Variants in CDH12 observed in about 807,000 individuals in gnomAD.
CDH12 encodes the protein cadherin 12.
In CDH12, 41 loss-of-function variants were observed where a neutral mutation model predicts 74.1. The ratio of observed to expected loss-of-function variants is 0.55; its 90% confidence interval spans 0.43 to 0.72. The LOEUF is 0.72. CDH12 is among the 30% of genes least tolerant of loss of function. CDH12 has a pLI of 0.00. For synonymous variants in CDH12, 399 were observed against 355.0 expected, an observed-to-expected ratio of 1.12 and a Z score of -1.39; for missense variants, 945 against 977.2, an observed-to-expected ratio of 0.97 and a Z score of 0.44.
At chr5:21,982,386 A>G (rs1467878667) in intron 5 of CDH12, among the ~76,000 whole-genome samples, 1 of 152,028 alleles carries the variant, frequency 6.6e-6, no homozygotes, top group East Asian at 1.9e-4. Context: ...CCTTTGGACT[A>G]GTCAGCCTTT....
intron 11 of CDH12, among the ~76,000 whole-genome samples, chr5:21,773,838 A>G (rs1392475246): frequency 6.6e-6 from 1 of 152,160 alleles, no homozygotes; most frequent in Non-Finnish European, 1.5e-5. Flanking sequence ...ATCATGTGAC[A>G]TAAGATTTAT....
chr5:22,055,952 T>G (rs946072351), intron 5 of CDH12, among the ~76,000 whole-genome samples: 2 of 152,138 alleles, frequency 1.3e-5, no homozygotes, highest in Non-Finnish European at 2.9e-5. Flanking sequence ...TCATAAATAA[T>G]ACTTTTCAAT....
At chr5:22,561,541 C>T (rs1739047155) in intron 1 of CDH12, among the ~76,000 whole-genome samples, 1 of 151,952 alleles carries the variant, frequency 6.6e-6, no homozygotes, top group Admixed American at 6.6e-5. Flanking sequence ...GGATCTATTT[C>T]TTCATCCTAT....
chr5:22,673,173 T>C (rs141313764), intron 1 of CDH12, among the ~76,000 whole-genome samples: 2 of 152,334 alleles, frequency 1.3e-5, no homozygotes, highest in African/African-American at 4.8e-5. Flanking sequence ...ATTGATTTTA[T>C]ACTGTCAGTT....
At chr5:22,131,414 A>G (rs557082520) in intron 4 of CDH12, among the ~76,000 whole-genome samples, 2 of 152,252 alleles carry the variant, frequency 1.3e-5, no homozygotes, top group East Asian at 3.9e-4. Flanking sequence ...ACTTGGCTCC[A>G]TAGTTGCTGG....
At chr5:21,904,043 C>G (rs1753521535) in intron 6 of CDH12, among the ~76,000 whole-genome samples, 1 of 152,124 alleles carries the variant, frequency 6.6e-6, no homozygotes, top group African/African-American at 2.4e-5. Flanking sequence ...CTGATAATTT[C>G]CAACCATCAG....
intron 9 of CDH12, among the ~76,000 whole-genome samples, chr5:21,804,832 A>G (rs752683599): frequency 6.6e-6 from 1 of 152,128 alleles, no homozygotes; most frequent in Admixed American, 6.6e-5. Context: ...TTGAAGAAGT[A>G]CCAAGTTCTC....
intron 6 of CDH12, among the ~76,000 whole-genome samples, chr5:21,888,121 A>T (rs1311434172): frequency 6.6e-6 from 1 of 152,146 alleles, no homozygotes; most frequent in Admixed American, 6.6e-5. Flanking sequence ...CAGGCAAAAA[A>T]TTTGGTTGCA....
intron 2 of CDH12, among the ~76,000 whole-genome samples, chr5:22,483,748 C>CTATATATATATATATATATATATA (rs573933210): frequency 0.067 from 1,508 of 22,656 alleles, 477 homozygotes; most frequent in Middle Eastern, 0.14. Flanking sequence ...TCTTTCAAAA[C>CTATATATATATATATATATATATA]TATATATATA....
chr5:22,040,586 A>C (rs1036917949), intron 5 of CDH12, among the ~76,000 whole-genome samples: 10 of 152,216 alleles, frequency 6.6e-5, no homozygotes, highest in African/African-American at 2.4e-4. Flanking sequence ...ATATAAAGGA[A>C]TTAACATTAG....
chr5:22,398,083 C>T (rs183268563), intron 3 of CDH12, among the ~76,000 whole-genome samples: 5 of 152,222 alleles, frequency 3.3e-5, no homozygotes, highest in Admixed American at 2.0e-4. Flanking sequence ...TAGATAACCA[C>T]CTGCTGAGAG....
At position 21,951,775 on chromosome 5, in the gene CDH12, A is replaced by G. The variant is rs180888694; in HGVS notation, c.526+23316T>C. ...CTGCACTATCTTCATTATGCAAATAAAGGTGCATTTTAGCTCTTTTGAAGA... is the reference window on the plus strand; with the variant it reads ...CTGCACTATCTTCATTATGCAAATAGAGGTGCATTTTAGCTCTTTTGAAGA... On this transcript the variant is annotated intron_variant, in intron 6 of 14. Coordinates refer to ENST00000382254, the MANE Select transcript of CDH12 (RefSeq NM_004061.5). 1.8e-3 allele frequency among the ~76,000 whole-genome samples: 270 copies of G among 152,368 alleles called. 3 individuals carry two copies. Among genetic ancestry groups the G allele is most frequent in the African/African-American group, 5.9e-3 (247 of 41,596 alleles).
Position 22,628,983 on chromosome 5 carries a change from C to T in CDH12, c.-522-123619G>A, listed in dbSNP as rs1173398998. Among the ~76,000 whole-genome samples the T allele has an allele frequency of 2.7e-5, 4 of 150,740 alleles. 1 individual carries two copies. The highest frequency in any genetic ancestry group is 2.0e-4 in the Admixed American group (3 of 15,138). On this transcript the variant is annotated intron_variant, in intron 1 of 14. Coordinates refer to ENST00000382254, the MANE Select transcript of CDH12 (RefSeq NM_004061.5). Reference sequence around the variant, plus strand: ...ACACTATCATGAAAAACTCTATGCACATAAACTAGAAAATCTACAAGAAAT... The same window carrying T: ...ACACTATCATGAAAAACTCTATGCATATAAACTAGAAAATCTACAAGAAAT...
intron 3 of CDH12, among the ~76,000 whole-genome samples, chr5:22,344,641 T>TA (rs1393276378): frequency 6.6e-6 from 1 of 152,142 alleles, no homozygotes; most frequent in Non-Finnish European, 1.5e-5. Context: ...GCTTACTAGA[T>TA]ATGTGGACAC....
intron 1 of CDH12, among the ~76,000 whole-genome samples, chr5:22,684,975 G>C (rs1348164941): frequency 6.6e-6 from 1 of 152,064 alleles, no homozygotes; most frequent in Admixed American, 6.6e-5. Flanking sequence ...CAAGTGCAAA[G>C]GGGAAAATTT....
At chr5:22,142,279 A>G in intron 4 of CDH12, 2 of 259,632 alleles carry the variant, frequency 7.7e-6, no homozygotes, top group South Asian at 4.8e-5. Flanking sequence ...GGATTACAGT[A>G]TAGAGTAAAA....
intron 2 of CDH12, among the ~76,000 whole-genome samples, chr5:22,430,182 T>C (rs1261438127): frequency 6.6e-6 from 1 of 152,182 alleles, no homozygotes. Flanking sequence ...TCCCACTGAC[T>C]TAGTGTACTC....
intron 4 of CDH12, among the ~76,000 whole-genome samples, chr5:22,100,734 T>A (rs1049792240): frequency 1.1e-4 from 17 of 151,618 alleles, no homozygotes; most frequent in African/African-American, 4.1e-4. Flanking sequence ...ATAATACATT[T>A]AGTTAAATTA....
At chr5:22,359,014 G>A (rs753996697) in intron 3 of CDH12, among the ~76,000 whole-genome samples, 57 of 152,148 alleles carry the variant, frequency 3.7e-4, no homozygotes, top group Non-Finnish European at 8.1e-4. Context: ...GGAAGAAACT[G>A]CATCAACTAA....
Sources: allele counts gnomAD v4.1 joint callset (sites outside exome capture counted in the v4.1 genomes callset), GRCh38; gene constraint gnomAD v4.1.1; transcripts MANE v1.5; gene names NCBI Gene and HGNC (gene_info 2026-07-23, HGNC 2026-07-21).